The following HMCN1 variants were observed in gnomAD, a reference collection of about 807,000 sequenced individuals.
HMCN1 encodes hemicentin 1.
In HMCN1, 321 loss-of-function variants were observed where a neutral mutation model predicts 625.9. That is an observed-to-expected ratio of 0.51 (90% CI 0.47 to 0.56). HMCN1 has a LOEUF of 0.56. HMCN1 is among the 20% of genes least tolerant of loss of function. HMCN1 has a pLI of 0.00. For missense variants in HMCN1, 6,588 were observed against 6,887.3 expected (o/e 0.96, Z 1.54); for synonymous variants, 2,425 against 2,417.6 (o/e 1.00, Z -0.09).
At chr1:185,927,310 A>G (rs1289490725) in intron 9 of HMCN1, among the ~76,000 whole-genome samples, 1 of 152,216 alleles carries the variant, frequency 6.6e-6, no homozygotes, top group Non-Finnish European at 1.5e-5. Context: ...TACTCCTGTT[A>G]AGCATCGAAG....
chr1:185,950,587 G>A (rs1488098748), intron 11 of HMCN1, among the ~76,000 whole-genome samples: 1 of 151,814 alleles, frequency 6.6e-6, no homozygotes, highest in Non-Finnish European at 1.5e-5. Flanking sequence ...GTTTTTATGA[G>A]AATTATGCCG....
intron 36 of HMCN1, among the ~76,000 whole-genome samples, chr1:186,029,447 A>G (rs1655273500): frequency 1.3e-5 from 2 of 152,102 alleles, no homozygotes; most frequent in East Asian, 1.9e-4. Flanking sequence ...AACTCAGTCA[A>G]TTTCAGTAGT....
intron 1 of HMCN1, among the ~76,000 whole-genome samples, chr1:185,737,561 A>C (rs1044981471): frequency 6.6e-6 from 1 of 152,198 alleles, no homozygotes; most frequent in South Asian, 2.1e-4. Flanking sequence ...TTCTATGTGA[A>C]TATCTCTTAA....
intron 1 of HMCN1, among the ~76,000 whole-genome samples, chr1:185,747,139 A>G (rs1256283535): frequency 6.6e-6 from 1 of 152,180 alleles, no homozygotes; most frequent in Non-Finnish European, 1.5e-5. Context: ...TTTACTAGGG[A>G]AACTCAGTTT....
At chr1:186,127,392 A>T (rs572035883) in intron 82 of HMCN1, among the ~76,000 whole-genome samples, 2 of 152,246 alleles carry the variant, frequency 1.3e-5, no homozygotes, top group East Asian at 3.9e-4. Context: ...GAGTACAGAT[A>T]TAGAAGAAAA....
chr1:185,989,770 C>CTTT, intron 21 of HMCN1, 123 bp downstream of exon 21: 1 of 527,926 alleles, frequency 1.9e-6, no homozygotes, highest in Non-Finnish European at 3.0e-6. Context: ...CCCCAGATTT[C>CTTT]TATTTTTTTT....
At chr1:185,779,534 G>A (rs1341311210) in intron 1 of HMCN1, among the ~76,000 whole-genome samples, 1 of 152,224 alleles carries the variant, frequency 6.6e-6, no homozygotes, top group African/African-American at 2.4e-5. Context: ...TAAGGTGTAA[G>A]GAAGGGATCC....
At chr1:186,064,447 G>A (rs1188488981) in intron 48 of HMCN1, among the ~76,000 whole-genome samples, 4 of 151,854 alleles carry the variant, frequency 2.6e-5, no homozygotes, top group African/African-American at 9.7e-5. Context: ...CAAAATATCT[G>A]CATGTTGAAT....
chr1:186,044,401 A>G (rs1265462904), intron 40 of HMCN1, among the ~76,000 whole-genome samples: 1 of 152,106 alleles, frequency 6.6e-6, no homozygotes, highest in Non-Finnish European at 1.5e-5. Context: ...CCTGCACCCC[A>G]AAACAGTGCA....
chr1:185,916,981 A>G (rs1039019415), intron 6 of HMCN1, among the ~76,000 whole-genome samples: 6 of 152,102 alleles, frequency 3.9e-5, no homozygotes, highest in Non-Finnish European at 8.8e-5. Flanking sequence ...GAAGTGACAC[A>G]TTTCACTCCC....
chr1:185,901,907 C>T (rs1334955317), intron 4 of HMCN1, among the ~76,000 whole-genome samples: 1 of 151,688 alleles, frequency 6.6e-6, no homozygotes, highest in Non-Finnish European at 1.5e-5. Context: ...TTTATATATG[C>T]TAAAAGGGAC....
chr1:186,016,912 G>C (rs1654404884), intron 32 of HMCN1, 51 bp from the exon 33 acceptor site: 1 of 1,000,444 alleles, frequency 1.0e-6, no homozygotes, highest in Non-Finnish European at 1.6e-6. Context: ...ATGATGGTGT[G>C]TTTTTTGTTG....
At chr1:186,115,127 A>G (rs1441991209) in intron 74 of HMCN1, 131 bp from the exon 75 acceptor site, 5 of 1,388,568 alleles carry the variant, frequency 3.6e-6, no homozygotes, top group Non-Finnish European at 5.1e-6. Flanking sequence ...CACTATTAAA[A>G]TTTGCAGAGT....
chr1:186,033,301 G>A lies in HMCN1; in HGVS notation c.5750-4633G>A, dbSNP rs1229670307. 2.0e-5 allele frequency among the ~76,000 whole-genome samples: 3 copies of A among 152,150 alleles called. No homozygotes were observed. In the East Asian group the frequency reaches 5.8e-4, roughly 29 times the overall value. On this transcript the variant is annotated intron_variant, in intron 36 of 106. Coordinates refer to ENST00000271588, the MANE Select transcript of HMCN1 (RefSeq NM_031935.3). Reference sequence around the variant, plus strand: ...GCACTTTGGGGATTCAGGGGGAAGTGTGATGAGGGATGAGGGATAAAAACT... The same window carrying A: ...GCACTTTGGGGATTCAGGGGGAAGTATGATGAGGGATGAGGGATAAAAACT...
intron 48 of HMCN1, among the ~76,000 whole-genome samples, chr1:186,064,532 A>C (rs1657980140): frequency 6.6e-6 from 1 of 152,016 alleles, no homozygotes; most frequent in Non-Finnish European, 1.5e-5. Context: ...CTATGAGGCC[A>C]GGCACGGTGG....
At chr1:185,892,839 C>T (rs895095790) in intron 4 of HMCN1, among the ~76,000 whole-genome samples, 1 of 152,196 alleles carries the variant, frequency 6.6e-6, no homozygotes, top group South Asian at 2.1e-4. Flanking sequence ...TGGGCTCCAC[C>T]CAGTTCGAGC....
At chr1:185,791,521 A>G (rs1419983781) in intron 1 of HMCN1, among the ~76,000 whole-genome samples, 2 of 152,024 alleles carry the variant, frequency 1.3e-5, no homozygotes, top group Non-Finnish European at 2.9e-5. Flanking sequence ...GGAGTTCGAG[A>G]CCAGCCAGAC....
intron 11 of HMCN1, among the ~76,000 whole-genome samples, chr1:185,937,944 G>A (rs1667903172): frequency 6.7e-6 from 1 of 149,002 alleles, no homozygotes; most frequent in African/African-American, 2.4e-5. Flanking sequence ...AAGTGGAATG[G>A]AAGAAGTCAG....
At chr1:185,802,010 G>A (rs550965505) in intron 1 of HMCN1, among the ~76,000 whole-genome samples, 1 of 152,168 alleles carries the variant, frequency 6.6e-6, no homozygotes, top group African/African-American at 2.4e-5. Context: ...TGGAAGAAAT[G>A]TTAGGGCTCT....
Sources: allele counts gnomAD v4.1 joint callset (sites outside exome capture counted in the v4.1 genomes callset), GRCh38; gene constraint gnomAD v4.1.1; transcripts MANE v1.5; gene names NCBI Gene and HGNC (gene_info 2026-07-23, HGNC 2026-07-21).